Variants in ZNF562 observed in about 807,000 individuals in gnomAD.
ZNF562 encodes zinc finger protein 562.
ZNF562 carries 13 observed loss-of-function variants against 17.5 expected under a neutral mutation model. The observed-to-expected ratio is 0.74, with a 90% CI of 0.48 to 1.18. The LOEUF (loss-of-function observed/expected upper bound fraction) is 1.18. Among genes scored for constraint, ZNF562 ranks in the 50% most tolerant of loss-of-function variants. The pLI, the probability that ZNF562 is intolerant of heterozygous loss-of-function variation, is 0.00. For missense variants in ZNF562, 481 were observed against 498.5 expected (o/e 0.96, Z 0.33); for synonymous variants, 163 against 165.4 (o/e 0.99, Z 0.11).
intron 4 of ZNF562, 106 bp downstream of exon 4, chr19:9,657,903 C>T: frequency 6.4e-6 from 9 of 1,396,996 alleles, no homozygotes; most frequent in Non-Finnish European, 8.6e-6. Flanking sequence ...GTTGCCCATG[C>T]TAGTATCAAA....
Position 9,651,666 on chromosome 19 carries a change from G to T in ZNF562, c.*1283C>A, listed in dbSNP as rs2074868920. ...CCACAAACAATAGCATGAGTGATTT[G>T]TGCCTTAAGGACATATTCCTGTTGC... On this transcript the variant is annotated 3_prime_UTR_variant, in exon 6 of 6. Coordinates refer to ENST00000453372, the MANE Select transcript of ZNF562 (RefSeq NM_001130031.2). 6.6e-6 allele frequency: 1 copy of T among 152,238 alleles called. No individual in the cohort carries two copies. The highest frequency in any genetic ancestry group is 6.5e-5 in the Admixed American group (1 of 15,292). The allele number at this position is 152,238 out of a possible 1,614,324, so 9.4% of individuals were successfully genotyped here.
Position 9,666,091 on chromosome 19 carries a change from G to A in ZNF562, c.-130-5217C>T, listed in dbSNP as rs141396408. Among the ~76,000 whole-genome samples, 701 of 151,850 alleles carry A rather than the reference G, an allele frequency of 4.6e-3. 7 individuals carry two copies. Among genetic ancestry groups the A allele is most frequent in the African/African-American group, 0.016 (666 of 41,414 alleles). ...TGTAATCCCAACACTTTGGGAGGCC[G>A]AGGTGGGTGGATCTTCTGAGGTCAG... On this transcript the variant is annotated intron_variant, in intron 1 of 5. Coordinates refer to ENST00000453372, the MANE Select transcript of ZNF562 (RefSeq NM_001130031.2).
intron 5 of ZNF562, 137 bp from the exon 6 acceptor site, chr19:9,654,018 TC>T: frequency 2.6e-5 from 26 of 1,011,680 alleles, no homozygotes; most frequent in Non-Finnish European, 3.2e-5. Context: ...TGAGACAGAG[TC>T]TTGTTCTATC....
chr19:9,655,873 C>A (rs574267758), intron 5 of ZNF562, among the ~76,000 whole-genome samples: 2 of 151,186 alleles, frequency 1.3e-5, no homozygotes, highest in Non-Finnish European at 2.9e-5. Flanking sequence ...ACTAGGATAA[C>A]GGGTGCCCAC....
At chr19:9,670,696 G>C (rs1055330210) in intron 1 of ZNF562, among the ~76,000 whole-genome samples, 1 of 152,082 alleles carries the variant, frequency 6.6e-6, no homozygotes, top group Non-Finnish European at 1.5e-5. Flanking sequence ...GAGATAAAGA[G>C]AGGTTGATTA....
chr19:9,660,872 G>A lies in ZNF562; in HGVS notation c.-128C>T. The A allele has an allele frequency of 1.2e-6, 1 of 839,220 alleles. No homozygotes were observed. The highest frequency in any genetic ancestry group is 2.0e-5 in the South Asian group (1 of 51,164). The allele number at this position is 839,220 out of a possible 1,614,324, so 52.0% of individuals were successfully genotyped here. ...TCCCCTTTGTACAGGGTTATCTGAGGCCCTGTTCATACCAATCACCAAACA... is the reference window on the plus strand; with the variant it reads ...TCCCCTTTGTACAGGGTTATCTGAGACCCTGTTCATACCAATCACCAAACA... On this transcript the variant is annotated splice_region_variant and 5_prime_UTR_variant, in exon 2 of 6. Coordinates refer to ENST00000453372, the MANE Select transcript of ZNF562 (RefSeq NM_001130031.2).
chr19:9,671,409 C>T (rs978221886), intron 1 of ZNF562, among the ~76,000 whole-genome samples: 2 of 152,014 alleles, frequency 1.3e-5, no homozygotes, highest in African/African-American at 4.8e-5. Context: ...CTACCATTAA[C>T]AAGGAGCAAT....
chr19:9,656,564 A>G lies in ZNF562; in HGVS notation c.331T>C (p.Phe111Leu), dbSNP rs957267129. The G allele has an allele frequency of 1.9e-6, 3 of 1,613,600 alleles. No homozygotes were observed. Among genetic ancestry groups the G allele is most frequent in the African/African-American group, 2.7e-5 (2 of 74,896 alleles). The change falls in exon 5 of 6, where the codon TTC becomes CTC. Residue 111 changes from phenylalanine to leucine, a missense_variant. Phe to Leu is a conservative substitution (Grantham distance 22, BLOSUM62 0). Around this residue, in one of 2 missense-constraint regions of ZNF562, gnomAD observed 403 missense variants for 386.4 expected, o/e 1.04. Coordinates refer to ENST00000453372, the MANE Select transcript of ZNF562 (RefSeq NM_001130031.2). ...AATCTTACCATTTGTATCCCAGTGAATATTTGATTCTTCAAAAAACCCTGC... is the reference window on the plus strand; with the variant it reads ...AATCTTACCATTTGTATCCCAGTGAGTATTTGATTCTTCAAAAAACCCTGC... ...LQQGFLKNQI[F>L]TGIQMQTRSY...
rs1392102622 is a variant in ZNF562 at position 9,649,678 on chromosome 19, C to T, written c.*3271G>A. ...AAATTTTAGTCAGACCAGTTGATCT[C>T]AAAACCGTCTCCTGATAAGATGTTA... is the stretch of plus-strand genomic sequence containing the variant. On this transcript the variant is annotated 3_prime_UTR_variant, in exon 6 of 6. Transcript: ENST00000453372. 1 of 152,144 alleles carries T rather than the reference C, an allele frequency of 6.6e-6. No homozygotes were observed. Among genetic ancestry groups the T allele is most frequent in the Non-Finnish European group, 1.5e-5 (1 of 68,022 alleles). The allele number at this position is 152,144 out of a possible 1,614,324, so 9.4% of individuals were successfully genotyped here.
Position 9,656,560 on chromosome 19 carries a change from G to C in ZNF562, c.335C>G (p.Thr112Ser). ...CATGAATCTTACCATTTGTATCCCA[G>C]TGAATATTTGATTCTTCAAAAAACC... ...QQGFLKNQIF[T>S]GIQMQTRSYS... is the part of the protein sequence containing the mutation. The change falls in exon 5 of 6, where the codon ACT becomes AGT. Residue 112 changes from threonine to serine, a missense_variant. Physicochemically the swap from Thr to Ser is moderately conservative, Grantham distance 58. Coordinates refer to ENST00000453372, the MANE Select transcript of ZNF562 (RefSeq NM_001130031.2). The C allele has an allele frequency of 1.2e-6, 2 of 1,613,558 alleles. No individual in the cohort carries two copies. The highest frequency in any genetic ancestry group is 1.1e-5 in the South Asian group (1 of 91,064).
chr19:9,669,729 C>A (rs867654588), intron 1 of ZNF562, among the ~76,000 whole-genome samples: 4,295 of 95,672 alleles, frequency 0.045, 207 homozygotes, highest in African/African-American at 0.14. Flanking sequence ...CGCGCGCGCG[C>A]GCGCGCACAC....
rs2074845101 is a variant in ZNF562, at chr19:9,649,988, T to G, written c.*2961A>C. The G allele has an allele frequency of 6.6e-6, 1 of 152,098 alleles. No homozygotes were observed. Among genetic ancestry groups the G allele is most frequent in the Non-Finnish European group, 1.5e-5 (1 of 68,016 alleles). 9.4% of individuals were successfully genotyped at this position (152,098 alleles called of 1,614,324 possible). A position where few individuals can be genotyped will look rare whatever the true frequency, so the allele number is the denominator to read the frequency against. ...CTTTTGTACTCTGTCCCTTTATTTC[T>G]CAAGTTGGCTGACACTTAGGGAAAA... is the stretch of plus-strand genomic sequence containing the variant. On this transcript the variant is annotated 3_prime_UTR_variant, in exon 6 of 6. Coordinates refer to ENST00000453372, the MANE Select transcript of ZNF562 (RefSeq NM_001130031.2).
At chr19:9,670,383 TG>T in intron 1 of ZNF562, among the ~76,000 whole-genome samples, 1 of 152,334 alleles carries the variant, frequency 6.6e-6, no homozygotes, top group African/African-American at 2.4e-5. Flanking sequence ...TACATTCCCT[TG>T]TTTACCGCAG....
chr19:9,661,560 C>T (rs2043739185), intron 1 of ZNF562, among the ~76,000 whole-genome samples: 1 of 151,604 alleles, frequency 6.6e-6, no homozygotes, highest in African/African-American at 2.4e-5. Flanking sequence ...CTTTGGGAGG[C>T]CAAGGCAGGT....
Position 9,653,272 on chromosome 19 carries a change from C to A in ZNF562, c.958G>T (p.Glu320Ter). Residue 320 changes from glutamate (E) to a stop codon, truncating the protein, a stop_gained, in exon 6 of 6, where the codon GAA becomes TAA. Coordinates refer to ENST00000453372, the MANE Select transcript of ZNF562 (RefSeq NM_001130031.2). LOFTEE classifies it low-confidence loss of function (END_TRUNC). Reference protein sequence around the residue: ...HTGIKPHKCTECGKAFTRSTH... With the variant: ...HTGIKPHKCT ...GATCTAGTGAAGGCTTTCCCACATT[C>A]CGTACATTTGTGTGGTTTTATTCCA... 1 of 1,614,158 alleles carries A rather than the reference C, an allele frequency of 6.2e-7. No individual in the cohort carries two copies. Among genetic ancestry groups the A allele is most frequent in the Non-Finnish European group, 8.5e-7 (1 of 1,180,032 alleles).
At chr19:9,664,125 A>G (rs761080416) in intron 1 of ZNF562, among the ~76,000 whole-genome samples, 15 of 151,442 alleles carry the variant, frequency 9.9e-5, no homozygotes, top group Non-Finnish European at 1.9e-4. Context: ...CAGGAGTGCA[A>G]TGGCACAATC....
At position 9,669,732 on chromosome 19, in the gene ZNF562, GCGCACACACACACACACA is replaced by G. The variant is rs1251022969; in HGVS notation, c.-131+5265_-131+5282del. On this transcript the variant is annotated intron_variant, in intron 1 of 5. Transcript: ENST00000453372. ...CACGCGCGCGAGCGCGCGCGCGCGC[GCGCACACACACACACACA>G]CACACACACACACACACACACACAC... 3.6e-4 allele frequency among the ~76,000 whole-genome samples: 28 copies of G among 76,800 alleles called. No individual in the cohort carries two copies. The East Asian group carries it at 9.9e-3, about 27-fold the overall frequency. 50.4% of individuals were successfully genotyped at this position (76,800 alleles called of 152,430 possible). A position where few individuals can be genotyped will look rare whatever the true frequency, so the allele number is the denominator to read the frequency against.
rs753514800 is a variant in ZNF562 at position 9,656,673 on chromosome 19, ATG to A, written c.242-22_242-21del. 6.2e-7 allele frequency: 1 copy of A among 1,605,830 alleles called. No homozygotes were observed. Among genetic ancestry groups the A allele is most frequent in the Non-Finnish European group, 8.5e-7 (1 of 1,173,614 alleles). ...AGAAATCTAAGGGTTTAGAGAAGAA[ATG>A]TGTTAGTTTAAAATTAGTCATTTGT... On this transcript the variant is annotated intron_variant, in intron 4 of 5. Transcript: ENST00000453372.
intron 1 of ZNF562, among the ~76,000 whole-genome samples, chr19:9,664,048 C>T (rs750150226): frequency 6.6e-6 from 1 of 152,062 alleles, no homozygotes. Flanking sequence ...AGCCACCACA[C>T]CTGGTCTGTG....
Sources: allele counts gnomAD v4.1 joint callset (sites outside exome capture counted in the v4.1 genomes callset), GRCh38; gene constraint gnomAD v4.1.1; regional missense constraint gnomAD v4.1.1; transcripts MANE v1.5; gene names NCBI Gene and HGNC (gene_info 2026-07-23, HGNC 2026-07-21).